Variants in ANKRD30B observed in about 807,000 individuals in gnomAD.
ANKRD30B encodes the protein ankyrin repeat domain 30B.
Under a neutral mutation model 202.2 loss-of-function variants are expected in ANKRD30B, and 144 were observed. The observed-to-expected ratio is 0.71, with a 90% confidence interval of 0.62 to 0.82. The LOEUF (loss-of-function observed/expected upper bound fraction) is 0.82, where lower values mean the gene tolerates loss of function less well. Among genes scored for constraint, ANKRD30B ranks in the 40% least tolerant of loss-of-function variants. The pLI is 0.00. For missense variants in ANKRD30B, 1,487 were observed against 1,669.1 expected (o/e 0.89, Z 1.90); for synonymous variants, 508 against 561.3 (o/e 0.91, Z 1.34).
intron 28 of ANKRD30B, among the ~76,000 whole-genome samples, chr18:14,810,606 T>C (rs902592309): frequency 6.6e-6 from 1 of 151,174 alleles, no homozygotes; most frequent in Non-Finnish European, 1.5e-5. Flanking sequence ...AATCAGTTTC[T>C]TGTTTTTCTG....
chr18:14,931,912 CACCTCCCTCCT>C, the ANKRD30B span, among the ~76,000 whole-genome samples: 1 of 140,680 alleles, frequency 7.1e-6, no homozygotes, highest in Non-Finnish European at 1.6e-5. Flanking sequence ...CCCCCCACCC[CACCTCCCTCCT>C]GCTCTGTCCC....
At chr18:14,791,600 A>C (rs1002830017) in intron 16 of ANKRD30B, 109 bp downstream of exon 16, 2 of 839,824 alleles carry the variant, frequency 2.4e-6, no homozygotes, top group Non-Finnish European at 3.7e-6. Flanking sequence ...AATGCAAAGC[A>C]CAGAAAAAAG....
intron 39 of ANKRD30B, among the ~76,000 whole-genome samples, chr18:14,843,537 C>T (rs1409529078): frequency 2.2e-5 from 3 of 136,994 alleles, no homozygotes; most frequent in Non-Finnish European, 3.1e-5. Flanking sequence ...ATCTGTTGTT[C>T]TGATTAGCTT....
At chr18:14,897,363 T>C in the ANKRD30B span, among the ~76,000 whole-genome samples, 2 of 152,112 alleles carry the variant, frequency 1.3e-5, no homozygotes, top group African/African-American at 4.8e-5. Context: ...GTAATTTTAG[T>C]AGAGACCCGG....
At chr18:14,928,579 C>T in the ANKRD30B span, among the ~76,000 whole-genome samples, 26 of 152,136 alleles carry the variant, frequency 1.7e-4, no homozygotes, top group Non-Finnish European at 2.2e-4. Context: ...ATCCTGTTCT[C>T]CGGCCTTGGA....
chr18:14,763,434 C>G (rs1915574772), intron 6 of ANKRD30B, among the ~76,000 whole-genome samples: 2 of 152,022 alleles, frequency 1.3e-5, no homozygotes, highest in African/African-American at 2.4e-5. Flanking sequence ...GTAATCCCAG[C>G]TACTTGGGAG....
At chr18:14,757,466 T>G (rs146067991) in intron 4 of ANKRD30B, among the ~76,000 whole-genome samples, 1 of 152,332 alleles carries the variant, frequency 6.6e-6, no homozygotes, top group African/African-American at 2.4e-5. Context: ...TTCAGATTGC[T>G]CTCTCTTGTC....
At chr18:14,877,350 T>C in the ANKRD30B span, among the ~76,000 whole-genome samples, 1 of 139,462 alleles carries the variant, frequency 7.2e-6, no homozygotes, top group Non-Finnish European at 1.6e-5. Flanking sequence ...AATGAATGAA[T>C]GAAAATGGAC....
At chr18:14,797,347 AG>A in intron 18 of ANKRD30B, among the ~76,000 whole-genome samples, 1 of 152,278 alleles carries the variant, frequency 6.6e-6, no homozygotes, top group East Asian at 1.9e-4. Context: ...GGTTCTCTGC[AG>A]GGGGAAGCAC....
At chr18:14,921,105 G>A in the ANKRD30B span, among the ~76,000 whole-genome samples, 1 of 152,214 alleles carries the variant, frequency 6.6e-6, no homozygotes, top group Non-Finnish European at 1.5e-5. Context: ...GGTGGCAGGT[G>A]TAATTGTCAA....
intron 17 of ANKRD30B, 25 bp from the exon 18 acceptor site, chr18:14,796,317 AT>A: frequency 1.2e-6 from 2 of 1,608,016 alleles, no homozygotes; most frequent in Non-Finnish European, 1.7e-6. Context: ...TTATGTATTA[AT>A]TTTTGTGTTT....
the ANKRD30B span, among the ~76,000 whole-genome samples, chr18:14,867,049 T>C: frequency 8.3e-4 from 113 of 135,698 alleles, no homozygotes; most frequent in African/African-American, 3.1e-3. Flanking sequence ...GGTCGGGGGG[T>C]TGGTTGGGTG....
chr18:14,764,098 G>T lies in ANKRD30B; in HGVS notation c.1225+8G>T, dbSNP rs1268390046. On this transcript the variant is annotated splice_region_variant and intron_variant, in intron 7 of 43. Coordinates refer to ENST00000690538, the MANE Select transcript of ANKRD30B (RefSeq NM_001367607.2). The stretch of plus-strand genomic sequence containing the variant: ...CAAAAGCAAGTACAAATGGTAAGAT[G>T]CTTGAGTGAACTTTGCAGGGTTTAT... The T allele has an allele frequency of 1.1e-5, 16 of 1,498,278 alleles. No individual in the cohort carries two copies. Among genetic ancestry groups the T allele is most frequent in the Non-Finnish European group, 1.4e-5 (16 of 1,129,210 alleles). The allele number at this position is 1,498,278 out of a possible 1,614,324, so 92.8% of individuals were successfully genotyped here.
chr18:14,780,161 T>C (rs541951743), intron 11 of ANKRD30B, 140 bp downstream of exon 11: 6 of 698,760 alleles, frequency 8.6e-6, no homozygotes, highest in Non-Finnish European at 1.4e-5. Flanking sequence ...AAAAACATAC[T>C]TGGCTGGGTA....
chr18:14,769,199 G>T (rs560061769), intron 7 of ANKRD30B, 144 bp from the exon 8 acceptor site: 70 of 549,494 alleles, frequency 1.3e-4, no homozygotes, highest in African/African-American at 1.3e-3. Context: ...AGACTCCTGG[G>T]CTCCTCAGGC....
the ANKRD30B span, among the ~76,000 whole-genome samples, chr18:14,940,104 A>T: frequency 6.6e-6 from 1 of 152,180 alleles, no homozygotes; most frequent in African/African-American, 2.4e-5. Flanking sequence ...TTATTTTTAA[A>T]ATAGGGGTAC....
chr18:14,820,357 C>T (rs1275038578), intron 30 of ANKRD30B, among the ~76,000 whole-genome samples: 2 of 152,102 alleles, frequency 1.3e-5, no homozygotes, highest in Non-Finnish European at 2.9e-5. Flanking sequence ...CCTTTATTTC[C>T]TTCTCCTGCC....
At chr18:14,921,175 T>C in the ANKRD30B span, among the ~76,000 whole-genome samples, 6 of 151,930 alleles carry the variant, frequency 3.9e-5, no homozygotes, top group African/African-American at 1.2e-4. Flanking sequence ...TAGATACAAC[T>C]GCCTGTTGTG....
intron 24 of ANKRD30B, among the ~76,000 whole-genome samples, chr18:14,805,969 C>G (rs894789319): frequency 2.0e-5 from 3 of 150,200 alleles, no homozygotes; most frequent in Non-Finnish European, 3.0e-5. Context: ...GCCTGTAATC[C>G]CAGCACTTTG....
Sources: gnomAD v4.1 joint callset for allele counts (sites outside exome capture counted in the v4.1 genomes callset) on GRCh38, gnomAD v4.1.1 for gene constraint, MANE v1.5 for transcripts, NCBI Gene and HGNC (gene_info 2026-07-23, HGNC 2026-07-21) for gene names.